The following SLC14A2 variants were observed in gnomAD, a reference collection of about 807,000 sequenced individuals.
The protein encoded by SLC14A2 is solute carrier family 14 member 2.
A neutral mutation model predicts 104.6 loss-of-function variants in SLC14A2; 91 were observed. The observed-to-expected ratio is 0.87, with a 90% CI of 0.73 to 1.04. SLC14A2 has a LOEUF of 1.04. SLC14A2 is among the 50% of genes least tolerant of loss of function. The pLI is 0.00. For synonymous variants in SLC14A2, 476 were observed against 466.4 expected (o/e 1.02, Z -0.27); for missense variants, 1,189 against 1,156.0 (o/e 1.03, Z -0.41).
intron 1 of SLC14A2, among the ~76,000 whole-genome samples, chr18:45,307,479 A>T (rs532000539): frequency 2.0e-5 from 3 of 151,634 alleles, no homozygotes; most frequent in African/African-American, 7.3e-5. Flanking sequence ...GAAAAGACTA[A>T]CCTCTAGGGG....
intron 1 of SLC14A2, among the ~76,000 whole-genome samples, chr18:45,236,305 GTATA>G (rs778102238): frequency 6.1e-5 from 2 of 33,018 alleles, no homozygotes; most frequent in African/African-American, 3.8e-4. Flanking sequence ...ATGTATGTGT[GTATA>G]TGTGTATATA....
chr18:45,531,651 G>A (rs987997832), intron 2 of SLC14A2, among the ~76,000 whole-genome samples: 2 of 152,138 alleles, frequency 1.3e-5, no homozygotes, highest in African/African-American at 2.4e-5. Context: ...TCTGTAGGTT[G>A]CCTGTTCACT....
chr18:45,188,039 C>T, the SLC14A2 span, among the ~76,000 whole-genome samples: 7 of 151,928 alleles, frequency 4.6e-5, no homozygotes, highest in East Asian at 7.7e-4. Context: ...TAATATATCC[C>T]GGGTCATCAA....
chr18:45,212,506 G>T (rs1267878278), upstream of SLC14A2, among the ~76,000 whole-genome samples: 1 of 152,144 alleles, frequency 6.6e-6, no homozygotes, highest in Non-Finnish European at 1.5e-5. Context: ...ACATGAAAAG[G>T]TCTGGCATAC....
chr18:45,290,904 AG>A lies in SLC14A2; in HGVS notation c.-125+77717del, dbSNP rs150575572. The stretch of plus-strand genomic sequence containing the variant: ...TACAACTTCTCTAATTTGGAAAATT[AG>A]GGGCATTAGAGACCATCTCTGACAA... On this transcript the variant is annotated intron_variant, in intron 1 of 20. Coordinates refer to the SLC14A2 transcript ENST00000586448. 3.7e-3 allele frequency among the ~76,000 whole-genome samples: 562 copies of A among 152,336 alleles called. 1 individual carries two copies. The highest frequency in any genetic ancestry group is 0.013 in the African/African-American group (532 of 41,576).
At chr18:45,251,107 G>A (rs2084418745) in intron 1 of SLC14A2, among the ~76,000 whole-genome samples, 1 of 152,128 alleles carries the variant, frequency 6.6e-6, no homozygotes, top group African/African-American at 2.4e-5. Context: ...TGATTTGTGA[G>A]ATTTTGGTGT....
intron 2 of SLC14A2, among the ~76,000 whole-genome samples, chr18:45,514,225 G>A (rs1176353828): frequency 6.6e-6 from 1 of 152,162 alleles, no homozygotes; most frequent in Non-Finnish European, 1.5e-5. Flanking sequence ...TGCTTCTGGG[G>A]AGGCCTCAGG....
At chr18:45,193,116 C>A in the SLC14A2 span, among the ~76,000 whole-genome samples, 1 of 152,016 alleles carries the variant, frequency 6.6e-6, no homozygotes, top group Non-Finnish European at 1.5e-5. Flanking sequence ...TTTGAGAATT[C>A]TTTATATATT....
intron 1 of SLC14A2, among the ~76,000 whole-genome samples, chr18:45,225,751 A>G (rs1281906623): frequency 1.3e-5 from 2 of 152,148 alleles, no homozygotes; most frequent in Non-Finnish European, 2.9e-5. Context: ...CTTTGAAGCA[A>G]TTGTGAATGG....
intron 2 of SLC14A2, among the ~76,000 whole-genome samples, chr18:45,495,720 C>T (rs957135983): frequency 6.6e-6 from 1 of 152,128 alleles, no homozygotes; most frequent in Non-Finnish European, 1.5e-5. Context: ...CTCCATTTCT[C>T]GAGGGATTTA....
At chr18:45,295,997 G>A (rs1246436995) in intron 1 of SLC14A2, among the ~76,000 whole-genome samples, 1 of 152,086 alleles carries the variant, frequency 6.6e-6, no homozygotes, top group Non-Finnish European at 1.5e-5. Context: ...TACTCAATCC[G>A]GTAGGTAGTG....
intron 2 of SLC14A2, among the ~76,000 whole-genome samples, chr18:45,553,734 A>G (rs1221556418): frequency 6.6e-6 from 1 of 152,232 alleles, no homozygotes; most frequent in African/African-American, 2.4e-5. Context: ...TGGGAAGGAC[A>G]GACATTTCAA....
chr18:45,335,896 A>T (rs1176266686), intron 1 of SLC14A2, among the ~76,000 whole-genome samples: 1 of 152,316 alleles, frequency 6.6e-6, no homozygotes, highest in East Asian at 1.9e-4. Flanking sequence ...TTCCCTGGCC[A>T]GAACAGGTAG....
intron 1 of SLC14A2, among the ~76,000 whole-genome samples, chr18:45,370,514 G>A (rs1211505129): frequency 6.6e-6 from 1 of 152,198 alleles, no homozygotes; most frequent in Non-Finnish European, 1.5e-5. Flanking sequence ...TCTAAAGAAA[G>A]ACCCAAAATA....
chr18:45,588,494 G>A (rs2044599892), intron 2 of SLC14A2, among the ~76,000 whole-genome samples: 1 of 152,188 alleles, frequency 6.6e-6, no homozygotes, highest in Non-Finnish European at 1.5e-5. Flanking sequence ...CAACCCCTAA[G>A]GATGGGATGA....
chr18:45,417,535 T>C (rs562918656), intron 1 of SLC14A2, among the ~76,000 whole-genome samples: 1 of 152,290 alleles, frequency 6.6e-6, no homozygotes, highest in African/African-American at 2.4e-5. Flanking sequence ...GAAAAGCTCC[T>C]TATAAAGCCA....
chr18:45,222,395 G>C (rs1260884988), intron 1 of SLC14A2, among the ~76,000 whole-genome samples: 1 of 152,126 alleles, frequency 6.6e-6, no homozygotes, highest in Non-Finnish European at 1.5e-5. Flanking sequence ...TAATCATCAG[G>C]GCTTAAATGT....
intron 1 of SLC14A2, among the ~76,000 whole-genome samples, chr18:45,235,635 A>G (rs1000651034): frequency 1.3e-5 from 2 of 151,180 alleles, no homozygotes; most frequent in East Asian, 2.0e-4. Context: ...TGTGAGATCA[A>G]TTTGTTTGGT....
chr18:45,205,322 T>G, the SLC14A2 span, among the ~76,000 whole-genome samples: 106 of 152,302 alleles, frequency 7.0e-4, no homozygotes, highest in African/African-American at 2.5e-3. Context: ...GCATGAACTT[T>G]AAGCCAGTGT....
Sources: allele counts gnomAD v4.1 joint callset (sites outside exome capture counted in the v4.1 genomes callset), GRCh38; gene constraint gnomAD v4.1.1; transcripts MANE v1.5; gene names NCBI Gene and HGNC (gene_info 2026-07-23, HGNC 2026-07-21).